PHLDB3: variants seen among roughly 807,000 people sequenced by gnomAD.
PHLDB3 encodes the protein pleckstrin homology-like domain family B member 3.
In PHLDB3, 86 loss-of-function variants were observed where a neutral mutation model predicts 85.7. The ratio of observed to expected loss-of-function variants is 1.00; its 90% confidence interval spans 0.84 to 1.20. PHLDB3 has a LOEUF of 1.20. Ranked by LOEUF, PHLDB3 falls within the 50% of genes most tolerant of loss-of-function variation. The probability of loss-of-function intolerance (pLI) is 0.00; values close to 1 mark genes in which losing one functional copy is unlikely to be tolerated. For missense variants in PHLDB3, 995 were observed against 873.0 expected (o/e 1.14, Z -1.76); for synonymous variants, 376 against 349.8 (o/e 1.07, Z -0.83).
At chr19:43,501,465 G>C in intron 4 of PHLDB3, 2 of 565,684 alleles carry the variant, frequency 3.5e-6, no homozygotes. Context: ...GATTACAGGC[G>C]TGAGCCACTG....
chr19:43,504,052 C>T lies in PHLDB3; in HGVS notation c.67G>A (p.Val23Ile). The T allele has an allele frequency of 5.0e-6, 8 of 1,613,756 alleles. No individual in the cohort carries two copies. Among genetic ancestry groups the T allele is most frequent in the Non-Finnish European group, 6.8e-6 (8 of 1,179,750 alleles). The change falls in exon 2 of 16, where the codon GTC (valine) becomes ATC (isoleucine). Residue 23 changes from valine (V) to isoleucine (I), a missense_variant. Transcript: ENST00000292140. ...PPLVPECDVE[V>I]QPQGHPEESR... The stretch of plus-strand genomic sequence containing the variant: ...TCCTCGGGATGGCCCTGGGGCTGGA[C>T]CTCCACGTCGCATTCCGGGACCAGC...
chr19:43,501,592 A>T (rs960921335), intron 4 of PHLDB3, 142 bp downstream of exon 4: 2 of 1,419,838 alleles, frequency 1.4e-6, no homozygotes, highest in Non-Finnish European at 1.9e-6. Context: ...CAGGAGGGGC[A>T]TCTGCCCCTC....
chr19:43,500,076 C>T (rs947469006), intron 4 of PHLDB3, among the ~76,000 whole-genome samples: 4 of 152,022 alleles, frequency 2.6e-5, no homozygotes, highest in African/African-American at 9.7e-5. Context: ...CCCATCTCTA[C>T]TGAAAATACA....
chr19:43,475,728 A>G (rs940447036), intron 15 of PHLDB3, among the ~76,000 whole-genome samples, 184 bp from the exon 16 acceptor site: 4 of 152,202 alleles, frequency 2.6e-5, no homozygotes, highest in African/African-American at 7.2e-5. Flanking sequence ...GATTAAATGA[A>G]TTAACACAAG....
rs750704311 is a variant in PHLDB3 at position 43,486,712 on chromosome 19, A to G, written c.1341-16T>C. On this transcript the variant is annotated splice_polypyrimidine_tract_variant and intron_variant, in intron 11 of 15. Coordinates refer to ENST00000292140, the MANE Select transcript of PHLDB3 (RefSeq NM_198850.4). ...GGCCCCACAGCTAGGAGGAGGGAAC[A>G]CAGACGGGGTGGGTTACAGTGGCTG... 2 of 1,613,850 alleles carry G rather than the reference A, an allele frequency of 1.2e-6. No individual in the cohort carries two copies. Among genetic ancestry groups the G allele is most frequent in the South Asian group, 2.2e-5 (2 of 91,062 alleles).
chr19:43,475,426 T>C lies in PHLDB3; in HGVS notation c.1907A>G (p.Glu636Gly). 3 of 1,613,946 alleles carry C rather than the reference T, an allele frequency of 1.9e-6. No homozygotes were observed. The highest frequency in any genetic ancestry group is 2.5e-6 in the Non-Finnish European group (3 of 1,179,842). The change falls in exon 16 of 16, where the codon GAA becomes GGA. Residue 636 changes from glutamate to glycine, a missense_variant. Glu to Gly is a moderately conservative substitution (Grantham distance 98, BLOSUM62 -2). Coordinates refer to ENST00000292140, the MANE Select transcript of PHLDB3 (RefSeq NM_198850.4). Reference sequence around the variant, plus strand: ...CGGGGCCACTCAGGGGGCGTGGTTTTCGTCAGCGGCGGTCACGATGACGTC... The same window carrying C: ...CGGGGCCACTCAGGGGGCGTGGTTTCCGTCAGCGGCGGTCACGATGACGTC... ...WMDVIVTAAD[E>G]NHAP
chr19:43,489,956 G>A (rs62115727), intron 9 of PHLDB3, among the ~76,000 whole-genome samples: 2,266 of 148,218 alleles, frequency 0.015, 30 homozygotes, highest in Middle Eastern at 0.039. Flanking sequence ...GCAGTGAGCC[G>A]AGATCACACC....
Position 43,475,230 on chromosome 19 carries a change from G to C in PHLDB3, c.*180C>G, listed in dbSNP as rs74508691. The stretch of plus-strand genomic sequence containing the variant: ...GGCCGGCGATCCCGTCGGGGGCAAG[G>C]CACCTGCAACCCAGAACGCAGCAGC... On this transcript the variant is annotated 3_prime_UTR_variant, in exon 16 of 16. Transcript: ENST00000292140. The C allele has an allele frequency of 7.6e-3, 6,255 of 818,196 alleles. 283 individuals are homozygous for C. In the African/African-American group the frequency reaches 0.091, roughly 12 times the overall value. 50.7% of individuals were successfully genotyped at this position (818,196 alleles called of 1,614,324 possible). A position where few individuals can be genotyped will look rare whatever the true frequency, so the allele number is the denominator to read the frequency against.
At chr19:43,477,478 C>T (rs145478727) in intron 15 of PHLDB3, among the ~76,000 whole-genome samples, 11,393 of 148,794 alleles carry the variant, frequency 0.077, 711 homozygotes, top group East Asian at 0.29. Flanking sequence ...GATGGCGCCA[C>T]CGCACTCCAG....
intron 6 of PHLDB3, 170 bp from the exon 7 acceptor site, chr19:43,495,790 T>G: frequency 1.1e-6 from 1 of 890,414 alleles, no homozygotes; most frequent in East Asian, 2.7e-5. Context: ...CCCTCTTCCC[T>G]TTTGAGGGTC....
chr19:43,477,919 T>C (rs1970961354), intron 15 of PHLDB3, 128 bp downstream of exon 15: 1 of 596,016 alleles, frequency 1.7e-6, no homozygotes, highest in Admixed American at 3.1e-5. Context: ...GACAAACACG[T>C]ACTCCTATGA....
chr19:43,491,956 T>A (rs992000963), intron 9 of PHLDB3, among the ~76,000 whole-genome samples: 3 of 142,134 alleles, frequency 2.1e-5, no homozygotes, highest in African/African-American at 7.9e-5. Context: ...TTTTTTTTTT[T>A]TTGTTTTTTT....
chr19:43,492,652 G>C (rs1043913430), intron 9 of PHLDB3, among the ~76,000 whole-genome samples: 1 of 144,356 alleles, frequency 6.9e-6, no homozygotes, highest in Non-Finnish European at 1.5e-5. Flanking sequence ...AAGGAAAAAA[G>C]AACCTAAGTT....
At position 43,475,339 on chromosome 19, in the gene PHLDB3, G is replaced by GCCTAGGAACGCCCTCGCGC; in HGVS notation, c.*70_*71insGCGCGAGGGCGTTCCTAGG. On this transcript the variant is annotated 3_prime_UTR_variant, in exon 16 of 16. Coordinates refer to ENST00000292140, the MANE Select transcript of PHLDB3 (RefSeq NM_198850.4). ...TCCAAGTTTTCCGGCAGTGGGCGGGGCCTAGGAACGCCCCCGCGCCCCGCG... is the reference window on the plus strand; with the variant it reads ...TCCAAGTTTTCCGGCAGTGGGCGGGGCCTAGGAACGCCCTCGCGCCCTAGGAACGCCCCCGCGCCCCGCG... 6.4e-7 allele frequency: 1 copy of GCCTAGGAACGCCCTCGCGC among 1,573,448 alleles called. No individual in the cohort carries two copies.
chr19:43,481,801 A>G (rs1197398447), intron 13 of PHLDB3, among the ~76,000 whole-genome samples: 1 of 151,806 alleles, frequency 6.6e-6, no homozygotes, highest in Non-Finnish European at 1.5e-5. Context: ...CTCAAAAAAA[A>G]AAAAAGAAAG....
intron 4 of PHLDB3, among the ~76,000 whole-genome samples, chr19:43,500,226 C>T (rs560973649): frequency 1.1e-4 from 17 of 152,004 alleles, no homozygotes; most frequent in Admixed American, 4.6e-4. Flanking sequence ...GCAACAAGAG[C>T]GAAACTGTGT....
In PHLDB3 at chr19:43,475,524, G is replaced by T. The variant is rs745341279; in HGVS notation, c.1809C>A (p.Thr603=). Residue 603 remains threonine (T), a synonymous_variant, in exon 16 of 16, where the codon ACC becomes ACA. Transcript: ENST00000292140. ...CAFKSPNPRL[T]FCVKTYERLF... ...GGCGTTCGTAGGTTTTGACGCAGAAGGTCAGGCGGGGGTTGGGGCTCTGGA... is the reference window on the plus strand; with the variant it reads ...GGCGTTCGTAGGTTTTGACGCAGAATGTCAGGCGGGGGTTGGGGCTCTGGA... 24 of 1,613,844 alleles carry T rather than the reference G, an allele frequency of 1.5e-5. No individual in the cohort carries two copies. The East Asian group carries it at 5.3e-4, about 36-fold the overall frequency.
intron 6 of PHLDB3, chr19:43,496,839 G>T (rs1971467918): frequency 2.4e-6 from 1 of 418,800 alleles, no homozygotes; most frequent in East Asian, 3.6e-5. Context: ...GATTACTTAA[G>T]CACCTTGACC....
intron 1 of PHLDB3, 124 bp downstream of exon 1, chr19:43,504,465 C>A: frequency 2.8e-6 from 1 of 362,940 alleles, no homozygotes; most frequent in South Asian, 4.3e-5. Context: ...CTTGGATTCG[C>A]TTAGAGCGAC....
Sources: gnomAD v4.1 joint callset for allele counts (sites outside exome capture counted in the v4.1 genomes callset) on GRCh38, gnomAD v4.1.1 for gene constraint, MANE v1.5 for transcripts, NCBI Gene and HGNC (gene_info 2026-07-23, HGNC 2026-07-21) for gene names.